Variants in OTOF observed in about 807,000 individuals in gnomAD.
OTOF encodes otoferlin.
Under a neutral mutation model 236.8 loss-of-function variants are expected in OTOF, and 218 were observed. The ratio of observed to expected loss-of-function variants is 0.92; its 90% confidence interval spans 0.82 to 1.03. The LOEUF is 1.03. OTOF is among the 50% of genes least tolerant of loss of function. OTOF has a pLI of 0.00. For synonymous variants in OTOF, 1,041 were observed against 1,072.5 expected (o/e 0.97, Z 0.57); for missense variants, 2,590 against 2,694.4 (o/e 0.96, Z 0.86).
At chr2:26,510,494 C>T (rs1666356363) in intron 5 of OTOF, among the ~76,000 whole-genome samples, 1 of 152,028 alleles carries the variant, frequency 6.6e-6, no homozygotes, top group Non-Finnish European at 1.5e-5. Context: ...GTCTGGCCAC[C>T]TCCCCCGCGA....
chr2:26,476,426 A>C, intron 22 of OTOF, 109 bp from the exon 23 acceptor site: 1 of 1,050,918 alleles, frequency 9.5e-7, no homozygotes, highest in Admixed American at 2.0e-5. Context: ...CTGCCCCTTC[A>C]CAGCCATCCC....
In OTOF at chr2:26,462,010, G is replaced by A; in HGVS notation, c.5291+73C>T. 1 of 1,612,798 alleles carries A rather than the reference G, an allele frequency of 6.2e-7. No homozygotes were observed. The highest frequency in any genetic ancestry group is 8.5e-7 in the Non-Finnish European group (1 of 1,179,424). On this transcript the variant is annotated intron_variant, in intron 42 of 46. Coordinates refer to ENST00000272371, the MANE Select transcript of OTOF (RefSeq NM_194248.3). The surrounding 1 kb of genome is among the most constrained non-coding windows in gnomAD (Gnocchi z 4.7). ...TCCCACCCACAGCCACCTTCCCTCT[G>A]CCTCCTCTCCTGCCCCCCGGGAAGC...
At position 26,457,382 on chromosome 2, in the gene OTOF, T is replaced by TC. The variant is rs1239136617; in HGVS notation, c.*855dup. ...GACAGGGTGTGCCCGGGATGGGGAGTCCCCTCTGCTGCTTCTCACAGCTCC... is the reference window on the plus strand; with the variant it reads ...GACAGGGTGTGCCCGGGATGGGGAGTCCCCCTCTGCTGCTTCTCACAGCTCC... On this transcript the variant is annotated 3_prime_UTR_variant, in exon 47 of 47. Coordinates refer to ENST00000272371, the MANE Select transcript of OTOF (RefSeq NM_194248.3). The surrounding 1 kb of genome is among the most constrained non-coding windows in gnomAD (Gnocchi z 4.4). 1 of 150,382 alleles carries TC rather than the reference T, an allele frequency of 6.6e-6. No homozygotes were observed. The highest frequency in any genetic ancestry group is 1.5e-5 in the Non-Finnish European group (1 of 67,810). The allele number at this position is 150,382 out of a possible 1,614,324, so 9.3% of individuals were successfully genotyped here.
chr2:26,468,383 C>T, intron 33 of OTOF, 25 bp downstream of exon 33: 1 of 1,595,990 alleles, frequency 6.3e-7, no homozygotes. Flanking sequence ...GAGGAGGAGG[C>T]AGAGTTCCAG....
At chr2:26,532,777 G>T (rs530132828) in intron 2 of OTOF, among the ~76,000 whole-genome samples, 30 of 152,236 alleles carry the variant, frequency 2.0e-4, no homozygotes, top group African/African-American at 7.2e-4. Context: ...ACAGGGTTCT[G>T]CATCCTATCA....
intron 1 of OTOF, among the ~76,000 whole-genome samples, chr2:26,541,672 T>C (rs1017837865): frequency 5.9e-5 from 9 of 152,212 alleles, no homozygotes; most frequent in African/African-American, 2.2e-4. Flanking sequence ...TCAAGTTCAT[T>C]TCCACTTCAC....
In OTOF at chr2:26,472,305, T is replaced by C. The variant is rs375191459; in HGVS notation, c.3864+214A>G. The C allele has an allele frequency of 1.2e-3, 745 of 619,532 alleles. 5 individuals carry two copies. Among genetic ancestry groups the C allele is most frequent in the African/African-American group, 0.01 (568 of 54,980 alleles). The allele number at this position is 619,532 out of a possible 1,614,324, so 38.4% of individuals were successfully genotyped here. A position where few individuals can be genotyped will look rare whatever the true frequency, so the allele number is the denominator to read the frequency against. ...CACACCACACACATGCGCACACACA[T>C]GCACATTTACATACCACACGCACGC... On this transcript the variant is annotated intron_variant, in intron 30 of 46. Coordinates refer to ENST00000272371, the MANE Select transcript of OTOF (RefSeq NM_194248.3).
chr2:26,472,581 C>A lies in OTOF; in HGVS notation c.3802G>T (p.Val1268Leu). The A allele has an allele frequency of 6.2e-7, 1 of 1,613,480 alleles. No individual in the cohort carries two copies. The highest frequency in any genetic ancestry group is 8.5e-7 in the Non-Finnish European group (1 of 1,180,002). Residue 1268 changes from valine to leucine, a missense_variant, in exon 30 of 47, where the codon GTG becomes TTG. Transcript: ENST00000272371. ...GGTACCTCTGGCTCCATAGTCACCACAACCTCCCCTGTGGAGTGAGAGGAG... is the reference window on the plus strand; with the variant it reads ...GGTACCTCTGGCTCCATAGTCACCAAAACCTCCCCTGTGGAGTGAGAGGAG... ...GSSSHSTGEVVVTMEPEVPIK... is the reference protein window; with the variant it reads ...GSSSHSTGEVLVTMEPEVPIK...
chr2:26,483,281 C>A (rs1485435233), intron 13 of OTOF, among the ~76,000 whole-genome samples, 181 bp downstream of exon 13: 5 of 152,056 alleles, frequency 3.3e-5, no homozygotes, highest in Non-Finnish European at 7.4e-5. Context: ...TCTCATGCCC[C>A]CTGCGCAGCT....
Position 26,467,148 on chromosome 2 carries a change from TC to T in OTOF, c.4312del (p.Asp1438MetfsTer84), listed in dbSNP as rs2148030624. 1 of 1,613,592 alleles carries T rather than the reference TC, an allele frequency of 6.2e-7. No individual in the cohort carries two copies. Among genetic ancestry groups the T allele is most frequent in the Non-Finnish European group, 8.5e-7 (1 of 1,179,910 alleles). Reference sequence around the variant, plus strand: ...CTCCTCGGTGGAGCCATCCTCATCATCCCCGGTCTTGCCCCGAAGCAAGTTG... The same window carrying T: ...CTCCTCGGTGGAGCCATCCTCATCATCCCGGTCTTGCCCCGAAGCAAGTTG... ...TFNLLRGKTG[D>X]DEDGSTEEER... On this transcript the variant is annotated frameshift_variant, in exon 35 of 47. Transcript: ENST00000272371. LOFTEE classifies it high-confidence loss of function.
In OTOF at chr2:26,479,625, C is replaced by T; in HGVS notation, c.1941G>A (p.Leu647=). ...GGGGCCGAGGCCGCTGGGGCCGGGA[C>T]AGGCCATCAACTTCGTTCCCATAGT... ...IGNYGNEVDG[L]SRPQRPRPRK... is the part of the protein sequence containing the mutation. The change falls in exon 17 of 47, where the codon CTG becomes CTA. Residue 647 remains leucine (L), a synonymous_variant. Transcript: ENST00000272371. 6.2e-7 allele frequency: 1 copy of T among 1,612,668 alleles called. No homozygotes were observed. Among genetic ancestry groups the T allele is most frequent in the Non-Finnish European group, 8.5e-7 (1 of 1,179,824 alleles).
Position 26,472,667 on chromosome 2 carries a change from T to G in OTOF, c.3734-18A>C. On this transcript the variant is annotated intron_variant, in intron 29 of 46. Transcript: ENST00000272371. ...AAGCCTGACTGGACAGATGGATAGATGGACAGACAGGCAGAGGAAGGAGCA... is the reference window on the plus strand; with the variant it reads ...AAGCCTGACTGGACAGATGGATAGAGGGACAGACAGGCAGAGGAAGGAGCA... The G allele has an allele frequency of 6.2e-7, 1 of 1,612,074 alleles. No homozygotes were observed. Among genetic ancestry groups the G allele is most frequent in the South Asian group, 1.1e-5 (1 of 90,934 alleles).
intron 1 of OTOF, among the ~76,000 whole-genome samples, chr2:26,546,222 A>T (rs1386957164): frequency 6.6e-6 from 1 of 152,220 alleles, no homozygotes; most frequent in Non-Finnish European, 1.5e-5. Context: ...GCACTTTAGG[A>T]GGCCGAGGCT....
At chr2:26,552,780 C>T (rs774668609) in intron 1 of OTOF, among the ~76,000 whole-genome samples, 2 of 152,070 alleles carry the variant, frequency 1.3e-5, no homozygotes, top group Non-Finnish European at 2.9e-5. Context: ...GGGGCATATC[C>T]GTTAGGACTA....
rs1664411314 is a variant in OTOF at position 26,460,569 on chromosome 2, G to C, written c.5813+78C>G. 4 of 1,135,556 alleles carry C rather than the reference G, an allele frequency of 3.5e-6. No individual in the cohort carries two copies. The highest frequency in any genetic ancestry group is 4.2e-4 in the Middle Eastern group (2 of 4,754). 70.3% of individuals were successfully genotyped at this position (1,135,556 alleles called of 1,614,324 possible). A position where few individuals can be genotyped will look rare whatever the true frequency, so the allele number is the denominator to read the frequency against. ...GCTGTGGCCCAGGAAGAGATGGGGT[G>C]TCTGGGGATCGTCTCCTTCCTGTTC... On this transcript the variant is annotated intron_variant, in intron 45 of 46. Coordinates refer to ENST00000272371, the MANE Select transcript of OTOF (RefSeq NM_194248.3). This position sits in a 1 kb window ranked among gnomAD's most constrained non-coding sequence, Gnocchi z 5.3.
intron 40 of OTOF, 53 bp downstream of exon 40, chr2:26,463,911 G>T: frequency 6.2e-7 from 1 of 1,610,940 alleles, no homozygotes; most frequent in Non-Finnish European, 8.5e-7. Context: ...TCAGGTTGGG[G>T]ATCCCTGGTC....
chr2:26,474,561 A>C lies in OTOF; in HGVS notation c.3240T>G (p.Arg1080=). The C allele has an allele frequency of 6.2e-7, 1 of 1,613,082 alleles. No individual in the cohort carries two copies. Among genetic ancestry groups the C allele is most frequent in the Non-Finnish European group, 8.5e-7 (1 of 1,179,976 alleles). ...GCAGGTCTCCAGCTGTGGCGTTGCC[A>C]CGGTAGATCTGGTAGTACTCGAGCT... ...PPQLEYYQIY[R]GNATAGDLLA... is the part of the protein sequence containing the mutation. The change falls in exon 26 of 47, where the codon CGT becomes CGG. Residue 1080 remains arginine, a synonymous_variant. Coordinates refer to ENST00000272371, the MANE Select transcript of OTOF (RefSeq NM_194248.3).
At position 26,461,946 on chromosome 2, in the gene OTOF, G is replaced by A. The variant is rs372713647; in HGVS notation, c.5292-9C>T. ...GCTGGCCCTTCAGCCACCTGTGGGC[G>A]CCACATCTCCAGACCCGCAGCCAGG... On this transcript the variant is annotated splice_polypyrimidine_tract_variant and intron_variant, in intron 42 of 46. Transcript: ENST00000272371. The surrounding 1 kb of genome is among the most constrained non-coding windows in gnomAD (Gnocchi z 6.2). The A allele has an allele frequency of 7.8e-5, 126 of 1,613,958 alleles. 1 individual carries two copies. In the African/African-American group the frequency reaches 1.1e-3, roughly 15 times the overall value.
intron 40 of OTOF, 38 bp downstream of exon 40, chr2:26,463,926 A>G (rs1489227401): frequency 8.7e-6 from 14 of 1,613,072 alleles, no homozygotes; most frequent in East Asian, 2.2e-5. Flanking sequence ...CTGGTCCCCA[A>G]TACCCAAGAA....
Sources: gnomAD v4.1 joint callset for allele counts (sites outside exome capture counted in the v4.1 genomes callset) on GRCh38, gnomAD v4.1.1 for gene constraint, Gnocchi (gnomAD v3.1) non-coding constraint, MANE v1.5 for transcripts, NCBI Gene and HGNC (gene_info 2026-07-23, HGNC 2026-07-21) for gene names.